The following PLEKHA7 variants were observed in gnomAD, a reference collection of about 807,000 sequenced individuals.
PLEKHA7 encodes the protein pleckstrin homology domain containing A7.
A neutral mutation model predicts 170.0 loss-of-function variants in PLEKHA7; 104 were observed. That is an observed-to-expected ratio of 0.61 (90% confidence interval 0.52 to 0.72). The LOEUF (loss-of-function observed/expected upper bound fraction) is 0.72, where lower values mean the gene tolerates loss of function less well. PLEKHA7 is among the 30% of genes least tolerant of loss of function. PLEKHA7 has a pLI of 0.00. For synonymous variants in PLEKHA7, 648 were observed against 660.8 expected (o/e 0.98, Z 0.30); for missense variants, 1,615 against 1,671.7 (o/e 0.97, Z 0.59).
chr11:16,889,420 AATATATATAT>A (rs1554964151), intron 3 of PLEKHA7, among the ~76,000 whole-genome samples: 6 of 74,670 alleles, frequency 8.0e-5, no homozygotes, highest in African/African-American at 3.1e-4. Context: ...AAAAAAAAAA[AATATATATAT>A]ATATATATAT....
intron 9 of PLEKHA7, among the ~76,000 whole-genome samples, chr11:16,828,999 A>C (rs1345375160): frequency 6.6e-6 from 1 of 151,414 alleles, no homozygotes; most frequent in Non-Finnish European, 1.5e-5. Context: ...GGTTGTGAAT[A>C]AATAAATTCC....
chr11:16,907,502 G>A (rs1245251660), intron 3 of PLEKHA7, among the ~76,000 whole-genome samples: 2 of 117,862 alleles, frequency 1.7e-5, no homozygotes, highest in Non-Finnish European at 1.9e-5. Flanking sequence ...CGCCCCGTCC[G>A]GGAGGGAGGC....
chr11:16,807,117 T>C, intron 13 of PLEKHA7: 1 of 968,224 alleles, frequency 1.0e-6, no homozygotes, highest in Middle Eastern at 5.3e-4. Flanking sequence ...ATGACCCCGC[T>C]TGGAGACACG....
At chr11:16,913,865 A>G (rs1858440256) in intron 3 of PLEKHA7, among the ~76,000 whole-genome samples, 1 of 152,268 alleles carries the variant, frequency 6.6e-6, no homozygotes, top group Non-Finnish European at 1.5e-5. Context: ...GGTAAATAGA[A>G]GAGTCCACCA....
In PLEKHA7 at chr11:16,816,385, A is replaced by G. The variant is rs1351414425; in HGVS notation, c.1867-121T>C. 5.6e-6 allele frequency: 4 copies of G among 710,334 alleles called. No homozygotes were observed. In the Admixed American group the frequency reaches 8.5e-5, roughly 15 times the overall value. The allele number at this position is 710,334 out of a possible 1,614,324, so 44.0% of individuals were successfully genotyped here. ...GACTTCTCATCTATGAAATGAGCAC[A>G]CACATCTTACTCTCAGGGTTAGAAC... is the stretch of plus-strand genomic sequence containing the variant. On this transcript the variant is annotated intron_variant, in intron 11 of 26. Coordinates refer to ENST00000531066, the MANE Select transcript of PLEKHA7 (RefSeq NM_001329630.2).
At chr11:16,782,657 T>C in intron 26 of PLEKHA7, 97 bp downstream of exon 26, 1 of 1,444,278 alleles carries the variant, frequency 6.9e-7, no homozygotes, top group Non-Finnish European at 9.3e-7. Context: ...CCTTGACACC[T>C]GGTTTTCCAC....
intron 9 of PLEKHA7, among the ~76,000 whole-genome samples, chr11:16,836,819 T>C (rs1013011644): frequency 3.3e-5 from 5 of 151,942 alleles, no homozygotes; most frequent in Admixed American, 2.0e-4. Flanking sequence ...TTTTTTCTGT[T>C]TTTTTTGTTT....
chr11:16,990,578 TC>T (rs1325253922), intron 3 of PLEKHA7, among the ~76,000 whole-genome samples: 1 of 152,148 alleles, frequency 6.6e-6, no homozygotes, highest in African/African-American at 2.4e-5. Flanking sequence ...AATTTCCCCA[TC>T]CCATCAAATG....
intron 8 of PLEKHA7, among the ~76,000 whole-genome samples, chr11:16,844,927 C>T (rs1852267561): frequency 6.6e-6 from 1 of 152,310 alleles, no homozygotes; most frequent in East Asian, 1.9e-4. Context: ...AGGCACCCTA[C>T]CAAAGTTGGA....
At chr11:16,795,925 G>A (rs1233194120) in intron 17 of PLEKHA7, among the ~76,000 whole-genome samples, 2 of 123,450 alleles carry the variant, frequency 1.6e-5, no homozygotes, top group East Asian at 2.8e-4. Context: ...GCGCCATCTC[G>A]GCTCACTGCA....
At chr11:17,014,257 C>T (rs1477619309) in intron 1 of PLEKHA7, 56 bp from the exon 2 acceptor site, 3 of 1,391,018 alleles carry the variant, frequency 2.2e-6, no homozygotes, top group Non-Finnish European at 2.8e-6. Context: ...GGTGCCCGCC[C>T]GGCCCCCGCC....
chr11:16,889,420 A>AAAAAAAAAAAAAATATAT (rs61086849), intron 3 of PLEKHA7, among the ~76,000 whole-genome samples: 2 of 74,670 alleles, frequency 2.7e-5, no homozygotes, highest in African/African-American at 6.3e-5. Context: ...AAAAAAAAAA[A>AAAAAAAAAAAAAATATAT]ATATATATAT....
chr11:16,872,405 T>G (rs532238070), intron 3 of PLEKHA7, among the ~76,000 whole-genome samples: 1 of 152,354 alleles, frequency 6.6e-6, no homozygotes, highest in Admixed American at 6.5e-5. Context: ...TTGAGAGTGA[T>G]TTTAGTGTAT....
intron 3 of PLEKHA7, among the ~76,000 whole-genome samples, chr11:16,978,440 T>C (rs1212596880): frequency 2.0e-5 from 3 of 152,320 alleles, no homozygotes; most frequent in African/African-American, 7.2e-5. Flanking sequence ...GTAGCAGGCC[T>C]GAGCAAACCC....
chr11:16,814,943 A>T (rs112174249), intron 12 of PLEKHA7, among the ~76,000 whole-genome samples: 213 of 152,362 alleles, frequency 1.4e-3, no homozygotes, highest in African/African-American at 5.0e-3. Flanking sequence ...TTACAGCCAG[A>T]GAAGCGACAG....
intron 3 of PLEKHA7, among the ~76,000 whole-genome samples, chr11:16,971,974 C>A (rs113893684): frequency 0.012 from 1,797 of 152,024 alleles, 36 homozygotes; most frequent in African/African-American, 0.04. Context: ...CAGGCATGTG[C>A]CACCACATCT....
intron 3 of PLEKHA7, among the ~76,000 whole-genome samples, chr11:16,885,151 G>A (rs1035674802): frequency 2.6e-5 from 4 of 152,240 alleles, no homozygotes; most frequent in Admixed American, 2.6e-4. Context: ...GACCAGCCTG[G>A]CCAACATAGT....
intron 9 of PLEKHA7, among the ~76,000 whole-genome samples, chr11:16,833,042 C>T (rs1851238163): frequency 6.6e-6 from 1 of 152,204 alleles, no homozygotes; most frequent in Non-Finnish European, 1.5e-5. Flanking sequence ...GAATGAGTTC[C>T]TAGCATTTGA....
intron 3 of PLEKHA7, among the ~76,000 whole-genome samples, chr11:16,943,991 T>C (rs543538272): frequency 1.3e-5 from 2 of 152,330 alleles, no homozygotes; most frequent in South Asian, 4.1e-4. Context: ...AGGGTCTGCA[T>C]GTTTAAGACA....
Sources: allele counts gnomAD v4.1 joint callset (sites outside exome capture counted in the v4.1 genomes callset), GRCh38; gene constraint gnomAD v4.1.1; transcripts MANE v1.5; gene names NCBI Gene and HGNC (gene_info 2026-07-23, HGNC 2026-07-21).